Variants in ARFGEF2 observed in about 807,000 individuals in gnomAD.
ARFGEF2 encodes the protein ARF guanine nucleotide exchange factor 2.
A neutral mutation model predicts 219.9 loss-of-function variants in ARFGEF2; 74 were observed. That is an observed-to-expected ratio of 0.34 (90% CI 0.28 to 0.41). The LOEUF (loss-of-function observed/expected upper bound fraction) is 0.41, where lower values mean the gene tolerates loss of function less well. ARFGEF2 is among the 10% of genes least tolerant of loss of function. ARFGEF2 has a pLI of 1.00. For missense variants in ARFGEF2, 1,743 were observed against 2,218.3 expected (o/e 0.79, Z 4.30); for synonymous variants, 733 against 799.2 (o/e 0.92, Z 1.40).
At chr20:49,024,696 A>G (rs529451922) in intron 35 of ARFGEF2, among the ~76,000 whole-genome samples, 1 of 152,160 alleles carries the variant, frequency 6.6e-6, no homozygotes, top group Non-Finnish European at 1.5e-5. Flanking sequence ...GGTTTCATAC[A>G]TGTTTCAAGA....
rs1242575289 is a variant in ARFGEF2 at position 49,026,655 on chromosome 20, G to A, written c.4924+1174G>A. 6.0e-5 allele frequency among the ~76,000 whole-genome samples: 9 copies of A among 149,456 alleles called. No homozygotes were observed. The South Asian group carries it at 6.3e-4, about 11-fold the overall frequency. ...GGCTGGAGTGCAGTGGCGCAGTCTC[G>A]GCTCACTGCAGTCTCTACCTCCCGG... is the stretch of plus-strand genomic sequence containing the variant. On this transcript the variant is annotated intron_variant, in intron 36 of 38. Transcript: ENST00000371917.
At chr20:48,936,846 T>C (rs1432782520) in intron 1 of ARFGEF2, among the ~76,000 whole-genome samples, 2 of 152,234 alleles carry the variant, frequency 1.3e-5, no homozygotes, top group East Asian at 3.9e-4. Context: ...GTTTCTCTAA[T>C]GACCAGAGAT....
chr20:48,941,355 G>A (rs1221729470), intron 2 of ARFGEF2, 126 bp downstream of exon 2: 3 of 1,004,460 alleles, frequency 3.0e-6, no homozygotes, highest in African/African-American at 3.2e-5. Flanking sequence ...CACTCTGCAA[G>A]CATGGTGCTA....
chr20:48,999,525 G>A (rs1358187692), intron 25 of ARFGEF2, among the ~76,000 whole-genome samples: 1 of 152,124 alleles, frequency 6.6e-6, no homozygotes, highest in Non-Finnish European at 1.5e-5. Flanking sequence ...GAGGCAGGTG[G>A]ATCACAGGTC....
chr20:48,933,143 GC>G (rs1478085968), intron 1 of ARFGEF2, among the ~76,000 whole-genome samples: 2 of 152,204 alleles, frequency 1.3e-5, no homozygotes, highest in Non-Finnish European at 2.9e-5. Context: ...AGCTGCAGCT[GC>G]CCCACCCTGC....
chr20:49,032,013 T>C (rs376011556), intron 37 of ARFGEF2, 36 bp from the exon 38 acceptor site: 6 of 1,351,216 alleles, frequency 4.4e-6, no homozygotes, highest in Non-Finnish European at 5.3e-6. Context: ...TGTTAATCAA[T>C]TGTTTGATAT....
intron 16 of ARFGEF2, among the ~76,000 whole-genome samples, chr20:48,986,852 A>G (rs1402564513): frequency 2.0e-5 from 3 of 152,072 alleles, no homozygotes; most frequent in Non-Finnish European, 4.4e-5. Flanking sequence ...GGTGCATGCC[A>G]CTGTGCCTGG....
chr20:48,953,881 G>T (rs1431485543), intron 6 of ARFGEF2, 91 bp downstream of exon 6: 1 of 1,250,218 alleles, frequency 8.0e-7, no homozygotes, highest in Non-Finnish European at 1.1e-6. Flanking sequence ...AACATCTGAA[G>T]GAAACCTCTG....
intron 21 of ARFGEF2, among the ~76,000 whole-genome samples, chr20:48,991,418 A>G (rs1388775359): frequency 1.3e-5 from 2 of 151,016 alleles, no homozygotes; most frequent in African/African-American, 2.4e-5. Flanking sequence ...AGTGTCCCCC[A>G]TGAAGTGTAC....
In ARFGEF2 at chr20:49,033,285, A is replaced by C; in HGVS notation, c.*86A>C. 2 of 1,508,578 alleles carry C rather than the reference A, an allele frequency of 1.3e-6. No individual in the cohort carries two copies. Among genetic ancestry groups the C allele is most frequent in the Non-Finnish European group, 1.8e-6 (2 of 1,094,514 alleles). The allele number at this position is 1,508,578 out of a possible 1,614,324, so 93.4% of individuals were successfully genotyped here. ...GGCACATCTCGTGAAGTTTCATAGA[A>C]ACAAGGAGTTGGCATCTTGGATCTC... On this transcript the variant is annotated 3_prime_UTR_variant, in exon 39 of 39. Transcript: ENST00000371917.
intron 16 of ARFGEF2, among the ~76,000 whole-genome samples, chr20:48,986,614 A>G (rs2091327809): frequency 6.8e-6 from 1 of 146,820 alleles, no homozygotes; most frequent in African/African-American, 2.5e-5. Context: ...ACTCTGTCTC[A>G]AAAAAAAAAA....
chr20:48,995,801 G>T lies in ARFGEF2; in HGVS notation c.3140G>T (p.Gly1047Val). The change falls in exon 23 of 39, where the codon GGA (glycine) becomes GTA (valine). Residue 1047 changes from glycine (G) to valine (V), a missense_variant. Around this residue, in one of 5 missense-constraint regions of ARFGEF2, gnomAD observed 666 missense variants for 955.4 expected, o/e 0.70. Transcript: ENST00000371917. Reference sequence around the variant, plus strand: ...GTTTCAGGTAATTTGGTGAGTGGCGGAGTGGATAAAAGACAGATGGCCAGC... The same window carrying T: ...GTTTCAGGTAATTTGGTGAGTGGCGTAGTGGATAAAAGACAGATGGCCAGC... ...GLGLGNLVSG[G>V]VDKRQMASFQ... 2 of 1,614,174 alleles carry T rather than the reference G, an allele frequency of 1.2e-6. No individual in the cohort carries two copies. Among genetic ancestry groups the T allele is most frequent in the Non-Finnish European group, 1.7e-6 (2 of 1,180,022 alleles).
At position 48,975,800 on chromosome 20, in the gene ARFGEF2, C is replaced by CAAAAAAA. The variant is rs1057511883; in HGVS notation, c.1775-210_1775-204dup. ...AGGGTGACAGTGCGAGACTCCATCT[C>CAAAAAAA]AAAAAAAAAAAAGAATTAGCTCATC... On this transcript the variant is annotated intron_variant, in intron 13 of 38. Coordinates refer to ENST00000371917, the MANE Select transcript of ARFGEF2 (RefSeq NM_006420.3). Among the ~76,000 whole-genome samples the CAAAAAAA allele has an allele frequency of 2.8e-4, 31 of 112,166 alleles. 2 individuals carry two copies. The highest frequency in any genetic ancestry group is 3.9e-4 in the Admixed American group (4 of 10,312). The allele number at this position is 112,166 out of a possible 152,430, so 73.6% of individuals were successfully genotyped here. A position where few individuals can be genotyped will look rare whatever the true frequency, so the allele number is the denominator to read the frequency against.
Position 48,921,970 on chromosome 20 carries a change from C to G in ARFGEF2, c.81C>G (p.Pro27=), listed in dbSNP as rs368957600. ...TAGCCGACAAGGAGGTGAAGCGGCC[C>G]CAGCACTCCCAGCTGCGCAGGGCCT... ...KILADKEVKR[P]QHSQLRRACQ... The change falls in exon 1 of 39, where the codon CCC becomes CCG. Residue 27 remains proline, a synonymous_variant. Coordinates refer to ENST00000371917, the MANE Select transcript of ARFGEF2 (RefSeq NM_006420.3). The G allele has an allele frequency of 1.2e-4, 192 of 1,577,208 alleles. 1 individual carries two copies. In the East Asian group the frequency reaches 3.3e-3, roughly 27 times the overall value.
chr20:48,974,891 G>A lies in ARFGEF2; in HGVS notation c.1774+17G>A. On this transcript the variant is annotated intron_variant, in intron 13 of 38. Coordinates refer to ENST00000371917, the MANE Select transcript of ARFGEF2 (RefSeq NM_006420.3). ...CCAGCCTCGGTGAGACAGCATTGCT[G>A]CCACACCCACCTCCATTCATAATAG... 2 of 1,594,336 alleles carry A rather than the reference G, an allele frequency of 1.3e-6. No homozygotes were observed. The highest frequency in any genetic ancestry group is 1.7e-6 in the Non-Finnish European group (2 of 1,163,460).
intron 11 of ARFGEF2, 50 bp from the exon 12 acceptor site, chr20:48,973,095 C>T: frequency 6.2e-7 from 1 of 1,610,546 alleles, no homozygotes; most frequent in Non-Finnish European, 8.5e-7. Context: ...ATAAGAAAAC[C>T]TAACTGCTAT....
intron 34 of ARFGEF2, among the ~76,000 whole-genome samples, chr20:49,021,774 G>A (rs1157501943): frequency 1.3e-5 from 2 of 151,716 alleles, no homozygotes; most frequent in African/African-American, 4.8e-5. Flanking sequence ...TGAACCTGAA[G>A]GCGGAGGTTG....
chr20:49,012,977 A>G (rs975568559), intron 28 of ARFGEF2, among the ~76,000 whole-genome samples: 20 of 152,208 alleles, frequency 1.3e-4, no homozygotes, highest in African/African-American at 4.1e-4. Flanking sequence ...GAGTAGGGCT[A>G]TACATGCAGA....
At position 48,953,760 on chromosome 20, in the gene ARFGEF2, G is replaced by A. The variant is rs778834589; in HGVS notation, c.808G>A (p.Ala270Thr). The A allele has an allele frequency of 8.7e-6, 14 of 1,613,960 alleles. No individual in the cohort carries two copies. The highest frequency in any genetic ancestry group is 1.6e-4 in the Middle Eastern group (1 of 6,084). Reference protein sequence around the residue: ...SGKVSTENGDAPRERGSSLSG... With the variant: ...SGKVSTENGDTPRERGSSLSG... ...AAAAGTAAGCACAGAAAATGGAGAC[G>A]CACCCAGAGAAAGAGGCTCATCACT... is the stretch of plus-strand genomic sequence containing the variant. Residue 270 changes from alanine to threonine, a missense_variant, in exon 6 of 39, where the codon GCA becomes ACA. Ala to Thr is a moderately conservative substitution (Grantham distance 58). Around this residue, in one of 5 missense-constraint regions of ARFGEF2, gnomAD observed 394 missense variants for 426.6 expected, o/e 0.92. Transcript: ENST00000371917.
Sources: gnomAD v4.1 joint callset for allele counts (sites outside exome capture counted in the v4.1 genomes callset) on GRCh38, gnomAD v4.1.1 for gene constraint, gnomAD v4.1.1 regional missense constraint, MANE v1.5 for transcripts, NCBI Gene and HGNC (gene_info 2026-07-23, HGNC 2026-07-21) for gene names.